Variants in CCDC7 observed in about 807,000 individuals in gnomAD.
The protein encoded by CCDC7 is coiled-coil domain containing 7, also known as coiled-coil domain-containing protein 7.
A neutral mutation model predicts 196.9 loss-of-function variants in CCDC7; 183 were observed. The ratio of observed to expected loss-of-function variants is 0.93; its 90% confidence interval spans 0.82 to 1.05. The LOEUF is 1.05. CCDC7 is among the 50% of genes least tolerant of loss of function. The pLI, the probability that CCDC7 is intolerant of heterozygous loss-of-function variation, is 0.00. For missense variants in CCDC7, 1,540 were observed against 1,482.2 expected (o/e 1.04, Z -0.64); for synonymous variants, 525 against 484.6 (o/e 1.08, Z -1.10).
intron 13 of CCDC7, among the ~76,000 whole-genome samples, chr10:32,549,623 C>T (rs1344273995): frequency 6.6e-6 from 1 of 152,096 alleles, no homozygotes; most frequent in Non-Finnish European, 1.5e-5. Context: ...GTTTCATTCT[C>T]CTACATGTGT....
intron 33 of CCDC7, among the ~76,000 whole-genome samples, chr10:32,839,426 A>C (rs1250299240): frequency 6.6e-6 from 1 of 151,988 alleles, no homozygotes; most frequent in Non-Finnish European, 1.5e-5. Context: ...GACATTATAG[A>C]ATGATAAAAG....
chr10:32,604,088 C>A, intron 18 of CCDC7, among the ~76,000 whole-genome samples: 1 of 152,080 alleles, frequency 6.6e-6, no homozygotes, highest in South Asian at 2.1e-4. Flanking sequence ...TCAGGTCTTA[C>A]ATTTAAGCCT....
At chr10:32,603,224 G>A (rs1451655015) in intron 18 of CCDC7, among the ~76,000 whole-genome samples, 1 of 151,490 alleles carries the variant, frequency 6.6e-6, no homozygotes, top group South Asian at 2.1e-4. Flanking sequence ...TCTATGCCTG[G>A]CTTATTTCAC....
chr10:32,862,886 C>T lies in CCDC7; in HGVS notation c.4111+8397C>T, dbSNP rs139864337. Among the ~76,000 whole-genome samples the T allele has an allele frequency of 6.3e-3, 954 of 152,016 alleles. 5 individuals are homozygous for T. Among genetic ancestry groups the T allele is most frequent in the Non-Finnish European group, 9.8e-3 (665 of 67,942 alleles). ...AATAATGACCTAACTGAAAAAGAAA[C>T]TTTAAAAGAAATAATTTCATTTATG... On this transcript the variant is annotated intron_variant, in intron 41 of 41. Transcript: ENST00000639629.
intron 8 of CCDC7, among the ~76,000 whole-genome samples, chr10:32,480,200 G>A (rs755644623): frequency 6.6e-6 from 1 of 151,618 alleles, no homozygotes; most frequent in African/African-American, 2.4e-5. Context: ...ATGTACTTCT[G>A]CGCTAATCTC....
In CCDC7 at chr10:32,770,975, T is replaced by C. The variant is rs147403377; in HGVS notation, c.2906-8002T>C. 5.9e-3 allele frequency among the ~76,000 whole-genome samples: 900 copies of C among 152,302 alleles called. 9 individuals carry two copies. Among genetic ancestry groups the C allele is most frequent in the African/African-American group, 0.021 (858 of 41,566 alleles). ...TCCCTTTTCCTTGAGTTTATATGAA[T>C]CCTTCTATGTTAGGTAAGTCTATTG... On this transcript the variant is annotated intron_variant, in intron 28 of 41. Coordinates refer to ENST00000639629, the Ensembl canonical transcript of CCDC7.
At chr10:32,722,280 T>G (rs567348008) in intron 25 of CCDC7, among the ~76,000 whole-genome samples, 72 of 152,202 alleles carry the variant, frequency 4.7e-4, no homozygotes, top group African/African-American at 1.6e-3. Flanking sequence ...AACTATACTG[T>G]TATACATTCA....
chr10:32,716,829 A>G (rs1175796160), intron 25 of CCDC7, among the ~76,000 whole-genome samples: 1 of 152,258 alleles, frequency 6.6e-6, no homozygotes, highest in African/African-American at 2.4e-5. Context: ...AAAGGGATCA[A>G]TGCAACAAGA....
chr10:32,601,865 C>T (rs1046532571), intron 18 of CCDC7, among the ~76,000 whole-genome samples: 2 of 152,158 alleles, frequency 1.3e-5, no homozygotes, highest in African/African-American at 4.8e-5. Flanking sequence ...CACCAGTCAG[C>T]ACTCTGTAAA....
chr10:32,714,333 T>G (rs111696263), intron 25 of CCDC7, among the ~76,000 whole-genome samples: 2,674 of 152,234 alleles, frequency 0.018, 89 homozygotes, highest in African/African-American at 0.061. Context: ...AGGGAAGCCG[T>G]GAGGGACTGT....
chr10:32,807,009 C>A (rs541284628), intron 30 of CCDC7, among the ~76,000 whole-genome samples: 21 of 152,258 alleles, frequency 1.4e-4, no homozygotes, highest in Admixed American at 2.6e-4. Context: ...AACCAAAAAT[C>A]TTATATCCAG....
At chr10:32,851,984 A>C in intron 40 of CCDC7, 52 bp downstream of exon 41, 3 of 1,508,640 alleles carry the variant, frequency 2.0e-6, no homozygotes, top group Non-Finnish European at 2.7e-6. Context: ...TAAAGCTATA[A>C]CTAAATGTAA....
chr10:32,813,094 G>GCAACAA (rs35146963), intron 30 of CCDC7, among the ~76,000 whole-genome samples: 1 of 151,128 alleles, frequency 6.6e-6, no homozygotes, highest in Admixed American at 6.6e-5. Context: ...TCCCAAAACA[G>GCAACAA]CAACAACAAC....
At chr10:32,505,849 G>A (rs1360734986) in intron 9 of CCDC7, among the ~76,000 whole-genome samples, 36 of 148,842 alleles carry the variant, frequency 2.4e-4, no homozygotes, top group African/African-American at 4.7e-4. Context: ...ATGGGTGGGC[G>A]GGCAGAGGTG....
chr10:32,692,334 A>C (rs1462484588), intron 23 of CCDC7, among the ~76,000 whole-genome samples: 2 of 152,190 alleles, frequency 1.3e-5, no homozygotes, highest in South Asian at 4.1e-4. Flanking sequence ...CAATTGACTC[A>C]CTGGATATCT....
intron 41 of CCDC7, among the ~76,000 whole-genome samples, chr10:32,862,726 A>T (rs1418537764): frequency 6.6e-6 from 1 of 152,102 alleles, no homozygotes; most frequent in Non-Finnish European, 1.5e-5. Context: ...ATTGCAACCA[A>T]ATCAGAAAGA....
downstream of CCDC7, chr10:32,876,584 A>T (rs551426962): frequency 3.6e-4 from 155 of 431,740 alleles, no homozygotes; most frequent in African/African-American, 3.1e-3. Flanking sequence ...GGCAGTGGTG[A>T]GTTTGAAAGT....
chr10:32,451,461 TA>T, upstream of CCDC7: 1 of 744,116 alleles, frequency 1.3e-6, no homozygotes, highest in Non-Finnish European at 2.0e-6. Context: ...GCCTGAAGTG[TA>T]ATCATAGCTT....
chr10:32,824,002 A>G (rs906024180), intron 31 of CCDC7, among the ~76,000 whole-genome samples: 2 of 152,156 alleles, frequency 1.3e-5, no homozygotes, highest in Non-Finnish European at 2.9e-5. Flanking sequence ...GACTATTAAA[A>G]TATTTCTGGA....
Sources: allele counts gnomAD v4.1 joint callset (sites outside exome capture counted in the v4.1 genomes callset), GRCh38; gene constraint gnomAD v4.1.1; transcripts MANE v1.5; gene names NCBI Gene and HGNC (gene_info 2026-07-23, HGNC 2026-07-21).